DNAH12: variants seen among roughly 807,000 people sequenced by gnomAD.
DNAH12 encodes the protein axonemal beta dynein heavy chain 12.
In DNAH12, 285 loss-of-function variants were observed where a neutral mutation model predicts 371.5. The ratio of observed to expected loss-of-function variants is 0.77; its 90% CI spans 0.70 to 0.85. DNAH12 has a LOEUF of 0.85. DNAH12 is among the 40% of genes least tolerant of loss of function. The pLI is 0.00. For synonymous variants in DNAH12, 1,200 were observed against 1,213.0 expected (o/e 0.99, Z 0.22); for missense variants, 3,611 against 3,689.4 (o/e 0.98, Z 0.55).
chr3:57,445,499 G>A, intron 27 of DNAH12, 80 bp from the exon 28 acceptor site: 1 of 1,200,464 alleles, frequency 8.3e-7, no homozygotes, highest in African/African-American at 1.6e-5. Context: ...TCAAAGGTGT[G>A]GTGTTGTCAA....
At chr3:57,509,052 A>G in intron 6 of DNAH12, 88 bp downstream of exon 6, 1 of 1,152,046 alleles carries the variant, frequency 8.7e-7, no homozygotes, top group South Asian at 1.4e-5. Flanking sequence ...TTTGAGCATC[A>G]CAATTGTATA....
At chr3:57,444,573 G>A (rs952447474) in intron 29 of DNAH12, 124 bp downstream of exon 29, 1 of 1,380,066 alleles carries the variant, frequency 7.2e-7, no homozygotes, top group Non-Finnish European at 9.8e-7. Flanking sequence ...ATTAACTAAA[G>A]TGGACAAAAT....
chr3:57,331,528 G>A (rs2062095514), intron 62 of DNAH12, among the ~76,000 whole-genome samples: 1 of 152,012 alleles, frequency 6.6e-6, no homozygotes, highest in South Asian at 2.1e-4. Flanking sequence ...TGGGAATCAG[G>A]GTAAGGAGTA....
intron 36 of DNAH12, 70 bp from the exon 37 acceptor site, chr3:57,419,588 A>T (rs865881414): frequency 1.8e-6 from 2 of 1,134,274 alleles, no homozygotes; most frequent in Non-Finnish European, 1.2e-6. Flanking sequence ...TCTTTTCAAC[A>T]TGTATACTAT....
intron 25 of DNAH12, among the ~76,000 whole-genome samples, chr3:57,452,044 A>G (rs936015130): frequency 6.6e-6 from 1 of 152,018 alleles, no homozygotes; most frequent in African/African-American, 2.4e-5. Context: ...CACTTAATGA[A>G]CTTTCGCTCC....
At chr3:57,334,738 A>T in intron 61 of DNAH12, 44 bp downstream of exon 61, 1 of 1,525,698 alleles carries the variant, frequency 6.6e-7, no homozygotes, top group Non-Finnish European at 8.8e-7. Flanking sequence ...GAACAAGTTT[A>T]CATATTGCCA....
chr3:57,371,941 CAAAAAAAA>C (rs1169602185), intron 55 of DNAH12, among the ~76,000 whole-genome samples: 2 of 25,848 alleles, frequency 7.7e-5, no homozygotes, highest in Non-Finnish European at 7.8e-5. Flanking sequence ...CTAAACTCAG[CAAAAAAAA>C]AAAAAAAAAA....
intron 39 of DNAH12, among the ~76,000 whole-genome samples, chr3:57,413,510 G>T (rs1244242349): frequency 1.3e-5 from 2 of 152,098 alleles, no homozygotes; most frequent in Non-Finnish European, 2.9e-5. Context: ...TGGGGATGTT[G>T]AGATTGAGGA....
intron 60 of DNAH12, among the ~76,000 whole-genome samples, chr3:57,338,973 T>G (rs1553655088): frequency 6.6e-6 from 1 of 152,188 alleles, no homozygotes; most frequent in Admixed American, 6.5e-5. Flanking sequence ...GAGATCAGAT[T>G]GTTACTGTGT....
intron 8 of DNAH12, among the ~76,000 whole-genome samples, chr3:57,504,628 T>G (rs1222455876): frequency 2.6e-5 from 4 of 152,116 alleles, no homozygotes; most frequent in African/African-American, 9.7e-5. Flanking sequence ...ACATAATAGG[T>G]GTATATAAGG....
In DNAH12 at chr3:57,413,729, T is replaced by C. The variant is rs1422477272; in HGVS notation, c.6020+17A>G. On this transcript the variant is annotated intron_variant, in intron 39 of 73. Coordinates refer to ENST00000495027, the MANE Select transcript of DNAH12 (RefSeq NM_001366028.2). ...TGAGGTATAACTTCAGCATAACTTATCGAATTAAATAGTTACCAATGTCCA... is the reference window on the plus strand; with the variant it reads ...TGAGGTATAACTTCAGCATAACTTACCGAATTAAATAGTTACCAATGTCCA... The C allele has an allele frequency of 5.2e-6, 8 of 1,544,642 alleles. No individual in the cohort carries two copies. The highest frequency in any genetic ancestry group is 2.7e-5 in the African/African-American group (2 of 72,756).
chr3:57,333,329 C>CTTTT lies in DNAH12; in HGVS notation c.9978+1132_9978+1135dup, dbSNP rs34135477. ...CGGATACATGTTCTTTTTAAGGCAA[C>CTTTT]TTTTTTTTTTTTTTTTTTTTAGATG... On this transcript the variant is annotated intron_variant, in intron 62 of 73. Coordinates refer to ENST00000495027, the MANE Select transcript of DNAH12 (RefSeq NM_001366028.2). Among the ~76,000 whole-genome samples the CTTTT allele has an allele frequency of 3.0e-4, 33 of 111,070 alleles. 3 individuals are homozygous for CTTTT. The highest frequency in any genetic ancestry group is 1.4e-3 in the African/African-American group (30 of 21,908). The allele number at this position is 111,070 out of a possible 152,430, so 72.9% of individuals were successfully genotyped here.
At chr3:57,441,864 C>T (rs1369074676) in intron 29 of DNAH12, among the ~76,000 whole-genome samples, 1 of 151,944 alleles carries the variant, frequency 6.6e-6, no homozygotes, top group East Asian at 1.9e-4. Context: ...TAGCAAATCC[C>T]AGGCAATAAA....
At chr3:57,555,262 T>C in the DNAH12 span, among the ~76,000 whole-genome samples, 1 of 151,756 alleles carries the variant, frequency 6.6e-6, no homozygotes, top group East Asian at 1.9e-4. Context: ...AAAAATAAAA[T>C]AAACAGATAA....
At chr3:57,365,720 CT>C (rs1377779270) in intron 57 of DNAH12, among the ~76,000 whole-genome samples, 1 of 151,818 alleles carries the variant, frequency 6.6e-6, no homozygotes, top group African/African-American at 2.4e-5. Flanking sequence ...CCTTTCCAAT[CT>C]TTTTTTATTC....
intron 45 of DNAH12, among the ~76,000 whole-genome samples, chr3:57,390,274 A>C (rs2063587317): frequency 7.0e-6 from 1 of 142,480 alleles, no homozygotes; most frequent in Non-Finnish European, 1.6e-5. Flanking sequence ...TGAGCTGGGC[A>C]TGGTGGCATA....
chr3:57,384,687 C>T (rs909396374), intron 49 of DNAH12, 142 bp downstream of exon 49: 1 of 152,090 alleles, frequency 6.6e-6, no homozygotes, highest in African/African-American at 2.4e-5. Context: ...CAAAGGTAAA[C>T]TGTTAAGAGC....
At chr3:57,329,946 A>G (rs2062051264) in intron 62 of DNAH12, among the ~76,000 whole-genome samples, 1 of 152,130 alleles carries the variant, frequency 6.6e-6, no homozygotes, top group African/African-American at 2.4e-5. Context: ...TATGCAGCCA[A>G]AAAACACATG....
chr3:57,337,557 G>T (rs373158808), intron 60 of DNAH12, among the ~76,000 whole-genome samples: 2 of 152,164 alleles, frequency 1.3e-5, no homozygotes, highest in Non-Finnish European at 2.9e-5. Context: ...TACTTGGGAG[G>T]CTGAGGCAGG....
Sources: allele counts gnomAD v4.1 joint callset (sites outside exome capture counted in the v4.1 genomes callset), GRCh38; gene constraint gnomAD v4.1.1; transcripts MANE v1.5; gene names NCBI Gene and HGNC (gene_info 2026-07-23, HGNC 2026-07-21).